The following CCDC149 variants were observed in gnomAD, a reference collection of about 807,000 sequenced individuals.
CCDC149 encodes the protein coiled-coil domain containing 149, also known as coiled-coil domain-containing protein 149.
CCDC149 carries 45 observed loss-of-function variants against 59.9 expected under a neutral mutation model. The observed-to-expected ratio is 0.75, with a 90% CI of 0.59 to 0.96. CCDC149 has a LOEUF of 0.96. Among genes scored for constraint, CCDC149 ranks in the 40% least tolerant of loss-of-function variants. The pLI is 0.00. For missense variants in CCDC149, 584 were observed against 664.7 expected (o/e 0.88, Z 1.33); for synonymous variants, 245 against 260.6 (o/e 0.94, Z 0.58).
chr4:24,910,304 G>C (rs1210260764), intron 1 of CCDC149, among the ~76,000 whole-genome samples: 1 of 152,166 alleles, frequency 6.6e-6, no homozygotes, highest in Non-Finnish European at 1.5e-5. Flanking sequence ...TAAGGTATCA[G>C]TCATTAGATT....
chr4:24,941,648 A>T (rs370674041), intron 1 of CCDC149, among the ~76,000 whole-genome samples: 84 of 152,300 alleles, frequency 5.5e-4, no homozygotes, highest in African/African-American at 1.8e-3. Context: ...ATAGGCCACT[A>T]GCAAGACTAA....
rs76085318 is a variant in CCDC149 at position 24,850,082 on chromosome 4, G to C, written c.372+2990C>G. On this transcript the variant is annotated intron_variant, in intron 4 of 12. Transcript: ENST00000635206. ...TCTAAACTACTTCTTACTCCACAAA[G>C]TACTGATGACAACCAGATGGTAGTT... Among the ~76,000 whole-genome samples the C allele has an allele frequency of 1.4e-4, 21 of 152,284 alleles. No homozygotes were observed. The East Asian group carries it at 4.0e-3, about 29-fold the overall frequency.
At chr4:24,894,346 AAAATAATCAAAACCT>A (rs1720719924) in intron 1 of CCDC149, among the ~76,000 whole-genome samples, 1 of 152,150 alleles carries the variant, frequency 6.6e-6, no homozygotes, top group Non-Finnish European at 1.5e-5. Context: ...TAGTGGTAGT[AAAATAATCAAAACCT>A]AAACTGAGAG....
At chr4:24,963,021 CA>C (rs1277292984) in intron 1 of CCDC149, among the ~76,000 whole-genome samples, 8 of 151,194 alleles carry the variant, frequency 5.3e-5, no homozygotes, top group African/African-American at 1.9e-4. Context: ...TCTCCTTAGC[CA>C]AAAAATTGAG....
intron 1 of CCDC149, among the ~76,000 whole-genome samples, chr4:24,928,568 A>G (rs998200902): frequency 6.6e-6 from 1 of 152,190 alleles, no homozygotes; most frequent in Non-Finnish European, 1.5e-5. Flanking sequence ...TGATCCAAGA[A>G]TCCCCTCTCA....
At chr4:24,901,058 A>C (rs557396005) in intron 1 of CCDC149, among the ~76,000 whole-genome samples, 2 of 152,230 alleles carry the variant, frequency 1.3e-5, no homozygotes, top group African/African-American at 4.8e-5. Context: ...AGGTGGTTTA[A>C]TTGGCTAGCT....
At chr4:24,895,761 G>C (rs953807653) in intron 1 of CCDC149, among the ~76,000 whole-genome samples, 4 of 152,242 alleles carry the variant, frequency 2.6e-5, no homozygotes, top group Admixed American at 2.6e-4. Flanking sequence ...ACAGGACTGG[G>C]TCACCTGGTG....
At chr4:24,882,658 G>T (rs892336642) in intron 1 of CCDC149, among the ~76,000 whole-genome samples, 7 of 152,122 alleles carry the variant, frequency 4.6e-5, no homozygotes, top group African/African-American at 1.7e-4. Flanking sequence ...TCATGTATTT[G>T]CTGAAGAAAA....
chr4:24,874,244 G>GTTGTTTT (rs1719241446), intron 2 of CCDC149, among the ~76,000 whole-genome samples: 2 of 87,488 alleles, frequency 2.3e-5, no homozygotes, highest in African/African-American at 1.2e-4. Context: ...TATTAGATTT[G>GTTGTTTT]TTTTTTTTTT....
intron 10 of CCDC149, among the ~76,000 whole-genome samples, chr4:24,821,669 C>T (rs139174062): frequency 6.6e-6 from 1 of 152,192 alleles, no homozygotes; most frequent in East Asian, 1.9e-4. Flanking sequence ...ATGAAGGAGA[C>T]TGGTTTGTGC....
intron 2 of CCDC149, among the ~76,000 whole-genome samples, 192 bp downstream of exon 2, chr4:24,876,340 CAGAG>C (rs369314730): frequency 3.9e-5 from 4 of 103,296 alleles, no homozygotes; most frequent in South Asian, 2.9e-4. Flanking sequence ...CACACACACA[CAGAG>C]AGAGAGAGAG....
At chr4:24,877,218 C>T (rs547031902) in intron 1 of CCDC149, among the ~76,000 whole-genome samples, 1 of 152,174 alleles carries the variant, frequency 6.6e-6, no homozygotes, top group African/African-American at 2.4e-5. Context: ...CGGAGTCTTG[C>T]TCTGTCATCC....
intron 3 of CCDC149, 46 bp downstream of exon 3, chr4:24,873,635 C>G: frequency 7.8e-7 from 1 of 1,279,902 alleles, no homozygotes. Context: ...CTCCCAATTG[C>G]TGCTAGGTAT....
chr4:24,813,640 CATAAAAGTATTGATACGAT>C (rs1439746501), intron 12 of CCDC149, among the ~76,000 whole-genome samples: 1 of 151,466 alleles, frequency 6.6e-6, no homozygotes, highest in East Asian at 1.9e-4. Flanking sequence ...TTTAATACAA[CATAAAAGTATTGATACGAT>C]ATAAAAGTAT....
intron 1 of CCDC149, among the ~76,000 whole-genome samples, chr4:24,969,759 T>C (rs112941840): frequency 0.019 from 2,844 of 152,224 alleles, 89 homozygotes; most frequent in African/African-American, 0.065. Context: ...TGGTGGCTGC[T>C]CCAGCTCCCC....
intron 3 of CCDC149, among the ~76,000 whole-genome samples, chr4:24,862,370 C>T (rs918189117): frequency 6.6e-6 from 1 of 152,182 alleles, no homozygotes; most frequent in Admixed American, 6.5e-5. Flanking sequence ...CCTCTGGATA[C>T]CAGCCGTGGC....
chr4:24,898,221 G>A (rs61793774), intron 1 of CCDC149, among the ~76,000 whole-genome samples: 20,391 of 152,208 alleles, frequency 0.13, 1,455 homozygotes, highest in South Asian at 0.19. Context: ...CCTGGAGAGG[G>A]TTGGGGGATT....
intron 1 of CCDC149, among the ~76,000 whole-genome samples, chr4:24,893,800 T>C (rs1720679917): frequency 6.6e-6 from 1 of 151,636 alleles, no homozygotes. Context: ...GTATTTTTAG[T>C]AGAGACAATT....
intron 1 of CCDC149, among the ~76,000 whole-genome samples, chr4:24,892,944 C>T (rs1334489423): frequency 1.3e-5 from 2 of 152,156 alleles, no homozygotes; most frequent in African/African-American, 4.8e-5. Flanking sequence ...TGAGGGAAGG[C>T]ATCCCATAGT....
Sources: gnomAD v4.1 joint callset for allele counts (sites outside exome capture counted in the v4.1 genomes callset) on GRCh38, gnomAD v4.1.1 for gene constraint, MANE v1.5 for transcripts, NCBI Gene and HGNC (gene_info 2026-07-23, HGNC 2026-07-21) for gene names.